Variants in ZNF821 observed in about 807,000 individuals in gnomAD.
ZNF821 encodes the protein zinc finger protein 821.
ZNF821 carries 16 observed loss-of-function variants against 44.3 expected under a neutral mutation model. That is an observed-to-expected ratio of 0.36 (90% CI 0.24 to 0.55). ZNF821 has a LOEUF of 0.55. Ranked by LOEUF, ZNF821 falls within the 20% of genes least tolerant of loss-of-function variation. The pLI is 0.86. For synonymous variants in ZNF821, 204 were observed against 197.6 expected, an observed-to-expected ratio of 1.03 and a Z score of -0.27; for missense variants, 436 against 547.6, an observed-to-expected ratio of 0.80 and a Z score of 2.03.
intron 7 of ZNF821, 78 bp downstream of exon 7, chr16:71,861,698 C>T (rs978661250): frequency 6.3e-7 from 1 of 1,575,618 alleles, no homozygotes; most frequent in Non-Finnish European, 8.7e-7. Context: ...TATTTCTAGC[C>T]TTCGCTTTGA....
Position 71,860,552 on chromosome 16 carries a change from C to A in ZNF821, c.705G>T (p.Leu235=), listed in dbSNP as rs1478086569. ...AGGCAGCACAGTTGTTGCACACAAG[C>A]AGAATTCCAGCAGGGTACACTGGAG... ...FSPPVYPAGI[L]LVCNNCAAYR... The change falls in exon 8 of 8, where the codon CTG becomes CTT. Residue 235 remains leucine (L), a synonymous_variant. Transcript: ENST00000425432. This position sits in a 1 kb window ranked among gnomAD's most constrained non-coding sequence, Gnocchi z 7.3. 6.2e-7 allele frequency: 1 copy of A among 1,614,002 alleles called. No individual in the cohort carries two copies. The highest frequency in any genetic ancestry group is 8.5e-7 in the Non-Finnish European group (1 of 1,180,036).
chr16:71,861,628 A>G, intron 7 of ZNF821, 148 bp downstream of exon 7: 1 of 874,886 alleles, frequency 1.1e-6, no homozygotes, highest in Non-Finnish European at 1.8e-6. Context: ...GAATAGGCAT[A>G]TTTCCTAGCC....
At chr16:71,887,735 T>C (rs1439777584), upstream of ZNF821, among the ~76,000 whole-genome samples, 4 of 152,216 alleles carry the variant, frequency 2.6e-5, no homozygotes, top group East Asian at 7.7e-4. Flanking sequence ...TCATATCTCA[T>C]TGTGATTTTA....
rs750007213 is a variant in ZNF821, at chr16:71,860,096, A to C, written c.1161T>G (p.Pro387=). 2.5e-6 allele frequency: 4 copies of C among 1,614,114 alleles called. No individual in the cohort carries two copies. The African/African-American group carries it at 5.3e-5, about 22-fold the overall frequency. Residue 387 remains proline (P), a synonymous_variant, in exon 8 of 8, where the codon CCT becomes CCG. Coordinates refer to ENST00000425432, the MANE Select transcript of ZNF821 (RefSeq NM_001201552.2). The surrounding 1 kb of genome is among the most constrained non-coding windows in gnomAD (Gnocchi z 7.3). The part of the protein sequence containing the change: ...LAAEMNFFQL[P]VSGVELDSQL... ...GGCTGTCCAACTCCACCCCACTTAC[A>C]GGCAGCTGGAAGAAGTTCATTTCAG... is the stretch of plus-strand genomic sequence containing the variant.
At chr16:71,879,090 C>G (rs2036160768) in intron 3 of ZNF821, among the ~76,000 whole-genome samples, 1 of 152,206 alleles carries the variant, frequency 6.6e-6, no homozygotes, top group Admixed American at 6.5e-5. Context: ...TCACTCCCCT[C>G]TCCCTGCTTA....
rs556867241 is a variant in ZNF821 at position 71,880,191 on chromosome 16, C to T, written c.-77-168G>A. On this transcript the variant is annotated intron_variant, in intron 2 of 7. Transcript: ENST00000425432. ...AGAAATGAATAAATCTCTAGCCTAA[C>T]GTCAAGGTCCCAGAAAGTTTAAGAG... is the stretch of plus-strand genomic sequence containing the variant. 7.5e-5 allele frequency: 30 copies of T among 402,412 alleles called. No homozygotes were observed. In the South Asian group the frequency reaches 1.0e-3, roughly 14 times the overall value. The allele number at this position is 402,412 out of a possible 1,614,324, so 24.9% of individuals were successfully genotyped here. A position where few individuals can be genotyped will look rare whatever the true frequency, so the allele number is the denominator to read the frequency against.
In ZNF821 at chr16:71,864,175, C is replaced by T; in HGVS notation, c.380G>A (p.Cys127Tyr). Residue 127 changes from cysteine (C) to tyrosine (Y), a missense_variant, in exon 6 of 8, where the codon TGC becomes TAC. Cys to Tyr is a radical substitution (Grantham distance 194). This residue lies in a region of ZNF821 where 238 missense variants were observed against 281.4 expected (regional missense o/e 0.85). Coordinates refer to ENST00000425432, the MANE Select transcript of ZNF821 (RefSeq NM_001201552.2). Reference sequence around the variant, plus strand: ...AGCAATCAACTGCTCCCGGCTCCCGCAGTCTAGCTGGCAGAGGGGACACTG... The same window carrying T: ...AGCAATCAACTGCTCCCGGCTCCCGTAGTCTAGCTGGCAGAGGGGACACTG... Reference protein sequence around the residue: ...LCQCPLCQLDCGSREQLIAHV... With the variant: ...LCQCPLCQLDYGSREQLIAHV... 6.2e-7 allele frequency: 1 copy of T among 1,614,228 alleles called. No homozygotes were observed. The highest frequency in any genetic ancestry group is 1.1e-5 in the South Asian group (1 of 91,088).
chr16:71,866,908 G>A lies in ZNF821; in HGVS notation c.166+1004C>T, dbSNP rs117684513. Among the ~76,000 whole-genome samples, 783 of 152,274 alleles carry A rather than the reference G, an allele frequency of 5.1e-3. 17 individuals carry two copies. Among genetic ancestry groups the A allele is most frequent in the Admixed American group, 0.038 (582 of 15,288 alleles). Reference sequence around the variant, plus strand: ...CCAGCCTCAAATGTGGTGAAAAATTGGAAAAGTCATTCTGAATTCATACTA... The same window carrying A: ...CCAGCCTCAAATGTGGTGAAAAATTAGAAAAGTCATTCTGAATTCATACTA... On this transcript the variant is annotated intron_variant, in intron 4 of 7. Transcript: ENST00000425432.
chr16:71,879,742 C>A (rs1373251556), intron 3 of ZNF821, 165 bp downstream of exon 3: 24 of 743,582 alleles, frequency 3.2e-5, no homozygotes, highest in Non-Finnish European at 4.7e-5. Flanking sequence ...CATTTTTAAC[C>A]CTTTTTCTTT....
chr16:71,867,219 A>T (rs2034645393), intron 4 of ZNF821, among the ~76,000 whole-genome samples: 1 of 152,188 alleles, frequency 6.6e-6, no homozygotes, highest in South Asian at 2.1e-4. Flanking sequence ...TGCCACCCTT[A>T]TATTTTATTG....
At chr16:71,890,678 T>C (rs1389279553) in intron 1 of ZNF821, 1 of 151,160 alleles carries the variant, frequency 6.6e-6, no homozygotes, top group Non-Finnish European at 1.5e-5. Flanking sequence ...AGCAAACTTT[T>C]TCTATAAAGG....
Position 71,879,978 on chromosome 16 carries a change from C to T in ZNF821, c.-32G>A, listed in dbSNP as rs751537558. On this transcript the variant is annotated 5_prime_UTR_variant, in exon 3 of 8. Transcript: ENST00000425432. ...CTGATGCAAGAGCTCTGGTCTTTCC[C>T]AGTTTCACGACTGGATATGTTACTA... The T allele has an allele frequency of 1.9e-6, 3 of 1,610,012 alleles. No individual in the cohort carries two copies. Among genetic ancestry groups the T allele is most frequent in the Non-Finnish European group, 2.5e-6 (3 of 1,177,958 alleles).
At chr16:71,877,603 C>A (rs1218350361) in intron 3 of ZNF821, among the ~76,000 whole-genome samples, 1 of 151,968 alleles carries the variant, frequency 6.6e-6, no homozygotes, top group Non-Finnish European at 1.5e-5. Flanking sequence ...TTGTCAATTA[C>A]TTGACTAATC....
intron 1 of ZNF821, chr16:71,890,427 C>T (rs1448949856): frequency 6.6e-6 from 1 of 151,764 alleles, no homozygotes; most frequent in East Asian, 1.9e-4. Flanking sequence ...CACTCTGTCT[C>T]CCAGCCTGGA....
chr16:71,878,512 T>C (rs2036090464), intron 3 of ZNF821, among the ~76,000 whole-genome samples: 1 of 152,170 alleles, frequency 6.6e-6, no homozygotes, highest in Non-Finnish European at 1.5e-5. Flanking sequence ...TAGATATTAA[T>C]GTCAATTTAA....
intron 1 of ZNF821, among the ~76,000 whole-genome samples, chr16:71,891,995 CAAAAAAAAA>C (rs58554253): frequency 4.7e-5 from 1 of 21,160 alleles, no homozygotes; most frequent in African/African-American, 1.3e-4. Flanking sequence ...GACTCCGTCT[CAAAAAAAAA>C]AAAAAAAAAA....
chr16:71,883,048 C>T (rs2036590940), intron 2 of ZNF821, 163 bp downstream of exon 2: 2 of 451,298 alleles, frequency 4.4e-6, no homozygotes, highest in African/African-American at 2.0e-5. Flanking sequence ...TGTCTGTCTT[C>T]AGAGCAAGGT....
At chr16:71,871,488 GA>G (rs1175842340) in intron 3 of ZNF821, among the ~76,000 whole-genome samples, 2 of 152,162 alleles carry the variant, frequency 1.3e-5, no homozygotes, top group East Asian at 1.9e-4. Flanking sequence ...CCCTTCATAA[GA>G]AGGCAGTGAG....
chr16:71,861,310 GCTCCTGGAGGTGGAGAC>G (rs1203035019), intron 7 of ZNF821, among the ~76,000 whole-genome samples: 2 of 152,220 alleles, frequency 1.3e-5, no homozygotes, highest in African/African-American at 4.8e-5. Context: ...GGGAATGGAG[GCTCCTGGAGGTGGAGAC>G]CTCCTTCAGG....
Sources: allele counts gnomAD v4.1 joint callset (sites outside exome capture counted in the v4.1 genomes callset), GRCh38; gene constraint gnomAD v4.1.1; regional missense constraint gnomAD v4.1.1; non-coding constraint Gnocchi (gnomAD v3.1); transcripts MANE v1.5; gene names NCBI Gene and HGNC (gene_info 2026-07-23, HGNC 2026-07-21).